PLEKHG5: variants seen among roughly 807,000 people sequenced by gnomAD.
PLEKHG5 encodes pleckstrin homology and RhoGEF domain containing G5.
Under a neutral mutation model 103.8 loss-of-function variants are expected in PLEKHG5, and 52 were observed. The observed-to-expected ratio is 0.50, with a 90% CI of 0.40 to 0.63. The LOEUF (loss-of-function observed/expected upper bound fraction) is 0.63. Among genes scored for constraint, PLEKHG5 ranks in the 30% least tolerant of loss-of-function variants. The pLI is 0.00. For missense variants in PLEKHG5, 1,205 were observed against 1,347.6 expected, an observed-to-expected ratio of 0.89 and a Z score of 1.66; for synonymous variants, 592 against 575.5, an observed-to-expected ratio of 1.03 and a Z score of -0.41.
chr1:6,477,788 A>G, intron 1 of PLEKHG5, 130 bp from the exon 2 acceptor site: 1 of 883,052 alleles, frequency 1.1e-6, no homozygotes, highest in Non-Finnish European at 1.7e-6. Flanking sequence ...GACGCCCCCC[A>G]GCAGTCCCCC....
Position 6,469,602 on chromosome 1 carries a change from C to T in PLEKHG5, c.1875G>A (p.Arg625=). 2 of 1,613,836 alleles carry T rather than the reference C, an allele frequency of 1.2e-6. No homozygotes were observed. ...TKAVKKAERT[R]VIRPPLLVDK... is the part of the protein sequence containing the mutation. ...CCACGAGCAGGGGTGGCCTGATGAC[C>T]CTGGTCCTCTCTGCCTTCTTCACTG... The change falls in exon 17 of 21, where the codon AGG becomes AGA. Residue 625 remains arginine, a synonymous_variant. Coordinates refer to ENST00000377728, the MANE Select transcript of PLEKHG5 (RefSeq NM_020631.6).
chr1:6,497,311 T>C, upstream of PLEKHG5: 2 of 1,131,846 alleles, frequency 1.8e-6, no homozygotes, highest in Non-Finnish European at 2.5e-6. This position sits in a 1 kb window ranked among gnomAD's most constrained non-coding sequence, Gnocchi z 6.1. Context: ...GGTCCCCGCC[T>C]GCACTCACCC....
At chr1:6,504,760 G>A (rs758202302) in intron 1 of PLEKHG5, among the ~76,000 whole-genome samples, 4 of 152,064 alleles carry the variant, frequency 2.6e-5, no homozygotes, top group South Asian at 2.1e-4. Flanking sequence ...TAGTAGAGAC[G>A]GGGTTTCACC....
rs201897770 is a variant in PLEKHG5, at chr1:6,470,583, G to A, written c.1603C>T (p.Arg535Trp). Residue 535 changes from arginine to tryptophan, a missense_variant, in exon 15 of 21, where the codon CGG becomes TGG. By Grantham distance (101) the Arg-to-Trp change is moderately radical. Coordinates refer to ENST00000377728, the MANE Select transcript of PLEKHG5 (RefSeq NM_020631.6). ...CTCACCACGGCCGCCAGCCGCTGCCGCTCCTGCCGCTGCCGCATGCACGCG... is the reference window on the plus strand; with the variant it reads ...CTCACCACGGCCGCCAGCCGCTGCCACTCCTGCCGCTGCCGCATGCACGCG... ...VNACMRQRQERQRLAAVVSRI... is the reference protein window; with the variant it reads ...VNACMRQRQEWQRLAAVVSRI... The A allele has an allele frequency of 8.8e-6, 14 of 1,598,374 alleles. No individual in the cohort carries two copies. Among genetic ancestry groups the A allele is most frequent in the Non-Finnish European group, 1.0e-5 (12 of 1,177,744 alleles).
At position 6,491,101 on chromosome 1, in the gene PLEKHG5, T is replaced by A. The variant is rs1445433321; in HGVS notation, c.-88+536A>T. ...TTTTCTCTGGGCCCCCTCTTTTTTT[T>A]TTTTCTGGCCCAGGTGATATGGCCG... On this transcript the variant is annotated intron_variant, in intron 1 of 20. Coordinates refer to ENST00000377728, the MANE Select transcript of PLEKHG5 (RefSeq NM_020631.6). The surrounding 1 kb of genome is among the most constrained non-coding windows in gnomAD (Gnocchi z 4.1). 6.6e-6 allele frequency among the ~76,000 whole-genome samples: 1 copy of A among 151,996 alleles called. No homozygotes were observed. The highest frequency in any genetic ancestry group is 1.5e-5 in the Non-Finnish European group (1 of 67,996).
intron 1 of PLEKHG5, among the ~76,000 whole-genome samples, chr1:6,489,807 C>T (rs1557761877): frequency 6.6e-6 from 1 of 152,218 alleles, no homozygotes; most frequent in East Asian, 1.9e-4. Flanking sequence ...GGGATGGCTG[C>T]CAGGTCCTAG....
chr1:6,516,877 TATATATATACAC>T (rs774551934), intron 1 of PLEKHG5, among the ~76,000 whole-genome samples: 9,840 of 40,614 alleles, frequency 0.24, 438 homozygotes, highest in South Asian at 0.36. Flanking sequence ...TATATATATA[TATATATATACAC>T]ATATATATAT....
chr1:6,485,162 G>A (rs1644996781), intron 1 of PLEKHG5, among the ~76,000 whole-genome samples: 3 of 152,168 alleles, frequency 2.0e-5, no homozygotes, highest in Admixed American at 2.0e-4. Context: ...GGGTGCAGCT[G>A]CCCAGGTAGG....
At chr1:6,504,033 G>A (rs1449389917) in intron 1 of PLEKHG5, among the ~76,000 whole-genome samples, 1 of 152,230 alleles carries the variant, frequency 6.6e-6, no homozygotes, top group Admixed American at 6.5e-5. Context: ...TCTGAGTGGG[G>A]GCGAGAGGTG....
At chr1:6,471,294 G>A (rs1326601433) in intron 12 of PLEKHG5, 194 bp from the exon 13 acceptor site, 1 of 771,870 alleles carries the variant, frequency 1.3e-6, no homozygotes, top group African/African-American at 1.7e-5. Flanking sequence ...CAGGGATCAG[G>A]GGTAGATGGT....
At chr1:6,492,617 G>A (rs1433879652), upstream of PLEKHG5, among the ~76,000 whole-genome samples, 16 of 152,116 alleles carry the variant, frequency 1.1e-4, no homozygotes, top group Admixed American at 9.2e-4. Flanking sequence ...GCACACCTAC[G>A]CTGTGCTAGG....
intron 1 of PLEKHG5, among the ~76,000 whole-genome samples, chr1:6,478,191 CT>C (rs932842634): frequency 3.3e-5 from 5 of 151,168 alleles, no homozygotes; most frequent in East Asian, 1.9e-4. Flanking sequence ...GCTTCTCCAT[CT>C]TTTTTTTTCT....
chr1:6,477,796 C>A (rs1218665531), intron 1 of PLEKHG5, 138 bp from the exon 2 acceptor site: 9 of 775,884 alleles, frequency 1.2e-5, no homozygotes, highest in Admixed American at 2.3e-5. Context: ...CCAGCAGTCC[C>A]CCCTCTCCCA....
At chr1:6,475,007 T>C (rs1644717266) in intron 5 of PLEKHG5, 40 bp downstream of exon 5, 1 of 1,220,490 alleles carries the variant, frequency 8.2e-7, no homozygotes, top group East Asian at 2.3e-5. Flanking sequence ...CCACCCCTAC[T>C]CCCAGTCCCA....
rs745992199 is a variant in PLEKHG5 at position 6,469,487 on chromosome 1, C to T, written c.1934-37G>A. ...AGGCCCAAGTCAGTGTCAGCAGAGA[C>T]GATGGCCCCCACCCATCACAGCCCC... On this transcript the variant is annotated intron_variant, in intron 17 of 20. Coordinates refer to ENST00000377728, the MANE Select transcript of PLEKHG5 (RefSeq NM_020631.6). The T allele has an allele frequency of 3.1e-5, 50 of 1,613,224 alleles. No homozygotes were observed. The Admixed American group carries it at 5.7e-4, about 18-fold the overall frequency.
At chr1:6,473,817 C>A (rs1179020128) in intron 7 of PLEKHG5, among the ~76,000 whole-genome samples, 196 bp downstream of exon 7, 1 of 152,160 alleles carries the variant, frequency 6.6e-6, no homozygotes. Context: ...AGATACAAGC[C>A]CTCACCTTGG....
Position 6,471,256 on chromosome 1 carries a change from A to G in PLEKHG5, c.1282-156T>C. On this transcript the variant is annotated intron_variant, in intron 12 of 20. Transcript: ENST00000377728. ...TCCCTGTTTCCTGATGAGGAAACTG[A>G]GCCTCAGCCAAAGTGACCACCCGTG... The G allele has an allele frequency of 6.3e-6, 5 of 793,070 alleles. No individual in the cohort carries two copies. The South Asian group carries it at 7.7e-5, about 12-fold the overall frequency. 49.1% of individuals were successfully genotyped at this position (793,070 alleles called of 1,614,324 possible).
At chr1:6,467,714 G>T in intron 20 of PLEKHG5, 111 bp downstream of exon 20, 2 of 1,498,214 alleles carry the variant, frequency 1.3e-6, no homozygotes, top group Non-Finnish European at 9.3e-7. Context: ...ACTGGGCAGG[G>T]TTCAGGCTCC....
upstream of PLEKHG5, among the ~76,000 whole-genome samples, chr1:6,492,394 C>T (rs2148623403): frequency 6.6e-6 from 1 of 152,186 alleles, no homozygotes; most frequent in African/African-American, 2.4e-5. Context: ...CACACACTGT[C>T]CCGTGGCCAC....
Sources: allele counts gnomAD v4.1 joint callset (sites outside exome capture counted in the v4.1 genomes callset), GRCh38; gene constraint gnomAD v4.1.1; non-coding constraint Gnocchi (gnomAD v3.1); transcripts MANE v1.5; gene names NCBI Gene and HGNC (gene_info 2026-07-23, HGNC 2026-07-21).